The following FCHO1 variants were observed in gnomAD, a reference collection of about 807,000 sequenced individuals.
FCHO1 encodes the protein F-BAR domain only protein 1.
FCHO1 carries 45 observed loss-of-function variants against 114.4 expected under a neutral mutation model. The ratio of observed to expected loss-of-function variants is 0.39; its 90% confidence interval spans 0.31 to 0.50. The LOEUF is 0.50. Among genes scored for constraint, FCHO1 ranks in the 20% least tolerant of loss-of-function variants. The pLI is 0.77. For missense variants in FCHO1, 1,042 were observed against 1,209.6 expected (o/e 0.86, Z 2.06); for synonymous variants, 480 against 488.9 (o/e 0.98, Z 0.24).
chr19:17,786,659 TG>T, intron 27 of FCHO1, 30 bp downstream of exon 27: 6 of 243,704 alleles, frequency 2.5e-5, no homozygotes, highest in Non-Finnish European at 3.4e-5. Context: ...GAGGGCTGGG[TG>T]GGAGGGACTG....
At chr19:17,766,622 G>A in intron 6 of FCHO1, 47 bp from the exon 7 acceptor site, 5 of 1,611,200 alleles carry the variant, frequency 3.1e-6, no homozygotes, top group East Asian at 2.2e-5. Context: ...CTGTCCCGGG[G>A]TGGGGTGAGC....
rs1019956825 is a variant in FCHO1 at position 17,784,382 on chromosome 19, G to A, written c.2226+147G>A. The A allele has an allele frequency of 1.6e-5, 17 of 1,032,482 alleles. No homozygotes were observed. In the African/African-American group the frequency reaches 2.7e-4, roughly 16 times the overall value. 64.0% of individuals were successfully genotyped at this position (1,032,482 alleles called of 1,614,324 possible). A position where few individuals can be genotyped will look rare whatever the true frequency, so the allele number is the denominator to read the frequency against. On this transcript the variant is annotated intron_variant, in intron 25 of 28. Transcript: ENST00000596536. The surrounding 1 kb of genome is among the most constrained non-coding windows in gnomAD (Gnocchi z 5.3). ...CCAATCTGTGAGAGCCGATGAGCTG[G>A]AGGGAGTAGGCAGTGTGGGTCGGGA...
chr19:17,788,308 C>T lies in FCHO1; in HGVS notation c.*2C>T, dbSNP rs2094105250. 3.0e-6 allele frequency: 4 copies of T among 1,339,444 alleles called. No homozygotes were observed. The highest frequency in any genetic ancestry group is 3.9e-6 in the Non-Finnish European group (4 of 1,014,888). The allele number at this position is 1,339,444 out of a possible 1,614,324, so 83.0% of individuals were successfully genotyped here. A position where few individuals can be genotyped will look rare whatever the true frequency, so the allele number is the denominator to read the frequency against. ...GGGATGTACCTGGTGAGCTGCTGAA[C>T]CCGCAAATGCTGCTGCCCCAGCTCT... On this transcript the variant is annotated 3_prime_UTR_variant, in exon 29 of 29. Coordinates refer to ENST00000596536, the MANE Select transcript of FCHO1 (RefSeq NM_015122.3).
At chr19:17,762,117 C>G (rs1056227746) in intron 4 of FCHO1, among the ~76,000 whole-genome samples, 7 of 151,810 alleles carry the variant, frequency 4.6e-5, no homozygotes, top group Non-Finnish European at 8.8e-5. Context: ...TCCCAAGTAG[C>G]TGGGATTACA....
chr19:17,781,009 A>G (rs758296002), intron 20 of FCHO1, among the ~76,000 whole-genome samples: 2 of 152,066 alleles, frequency 1.3e-5, no homozygotes, highest in Middle Eastern at 3.2e-3. Flanking sequence ...TGGGGAGCTC[A>G]CCCCTTATTG....
At chr19:17,747,755 C>G (rs12983897), upstream of FCHO1, 78,844 of 151,860 alleles carry the variant, frequency 0.52, 21,863 homozygotes, top group African/African-American at 0.68. Context: ...GGGCGGGCTC[C>G]GGTGTCAGCG....
chr19:17,784,178 C>T lies in FCHO1; in HGVS notation c.2169C>T (p.Arg723=). ...CAGCTCTGACCGAAGCCCTGCAGCG[C>T]CAGGCAGAGCAGAACCCCACTGCCT... ...NMAALTEALQ[R]QAEQNPTASY... Residue 723 remains arginine, a synonymous_variant, in exon 25 of 29, where the codon CGC becomes CGT. Transcript: ENST00000596536. The surrounding 1 kb of genome is among the most constrained non-coding windows in gnomAD (Gnocchi z 5.3). 6.2e-7 allele frequency: 1 copy of T among 1,614,002 alleles called. No homozygotes were observed.
chr19:17,778,656 T>C lies in FCHO1; in HGVS notation c.1399T>C (p.Ser467Pro). 6.3e-7 allele frequency: 1 copy of C among 1,576,044 alleles called. No individual in the cohort carries two copies. The highest frequency in any genetic ancestry group is 1.4e-5 in the African/African-American group (1 of 73,936). The part of the protein sequence containing the change: ...FTSSPSPFSS[S>P]SPENVEDSGL... ...CTCCAGCCCCTCCCCTTTCTCCTCC[T>C]CGTCGCCCGAAAACGTGGAGGATTC... Residue 467 changes from serine (S) to proline (P), a missense_variant, in exon 20 of 29, where the codon TCG (serine) becomes CCG (proline). By Grantham distance (74) the Ser-to-Pro change is moderately conservative. Transcript: ENST00000596536.
intron 22 of FCHO1, 36 bp from the exon 23 acceptor site, chr19:17,781,676 A>G (rs1408062352): frequency 6.4e-7 from 1 of 1,557,928 alleles, no homozygotes; most frequent in Non-Finnish European, 8.8e-7. Context: ...CACACTGTCT[A>G]TCCGTTGTTC....
chr19:17,784,609 CT>C lies in FCHO1; in HGVS notation c.2227-115del, dbSNP rs991868946. The C allele has an allele frequency of 3.1e-6, 3 of 976,798 alleles. No individual in the cohort carries two copies. The African/African-American group carries it at 4.8e-5, about 15-fold the overall frequency. 60.5% of individuals were successfully genotyped at this position (976,798 alleles called of 1,614,324 possible). A position where few individuals can be genotyped will look rare whatever the true frequency, so the allele number is the denominator to read the frequency against. Reference sequence around the variant, plus strand: ...TCTCATCCATCAAATCTCCCTGTGACTGGACCCCCTTGGGGCGGTGCGTGCA... The same window carrying C: ...TCTCATCCATCAAATCTCCCTGTGACGGACCCCCTTGGGGCGGTGCGTGCA... On this transcript the variant is annotated intron_variant, in intron 25 of 28. Coordinates refer to ENST00000596536, the MANE Select transcript of FCHO1 (RefSeq NM_015122.3). This position sits in a 1 kb window ranked among gnomAD's most constrained non-coding sequence, Gnocchi z 5.3.
At chr19:17,760,047 CTT>C (rs66667915) in intron 4 of FCHO1, among the ~76,000 whole-genome samples, 121,019 of 141,210 alleles carry the variant, frequency 0.86, 52,224 homozygotes, top group Middle Eastern at 0.95. Flanking sequence ...GTTTTGCCAT[CTT>C]TTTTTTTTTT....
chr19:17,788,503 C>T lies in FCHO1; in HGVS notation c.*197C>T. 1.8e-6 allele frequency: 1 copy of T among 553,038 alleles called. No individual in the cohort carries two copies. Among genetic ancestry groups the T allele is most frequent in the Non-Finnish European group, 3.2e-6 (1 of 307,840 alleles). 34.3% of individuals were successfully genotyped at this position (553,038 alleles called of 1,614,324 possible). ...CATGCCAACCCCACACAGGTCCCGG[C>T]CTTTTAATGTTCTTTGAATAAACAC... On this transcript the variant is annotated 3_prime_UTR_variant, in exon 29 of 29. Transcript: ENST00000596536.
intron 27 of FCHO1, 91 bp downstream of exon 27, chr19:17,786,720 C>T (rs1422190183): frequency 7.1e-7 from 1 of 1,415,862 alleles, no homozygotes; most frequent in African/African-American, 1.4e-5. Flanking sequence ...TGGGGACATA[C>T]TGAGGGCGGG....
chr19:17,774,666 C>T, intron 13 of FCHO1, 188 bp downstream of exon 13: 1 of 599,662 alleles, frequency 1.7e-6, no homozygotes, highest in East Asian at 2.8e-5. Flanking sequence ...TTACCGCTGC[C>T]CAAGCTAGTC....
chr19:17,772,194 ATG>A (rs2091782000), intron 9 of FCHO1, among the ~76,000 whole-genome samples: 1 of 151,618 alleles, frequency 6.6e-6, no homozygotes, highest in African/African-American at 2.4e-5. Flanking sequence ...GTGTGTGTGC[ATG>A]TGTGTGCAAG....
chr19:17,765,672 C>CA (rs1228755680), intron 6 of FCHO1, among the ~76,000 whole-genome samples: 57 of 146,696 alleles, frequency 3.9e-4, no homozygotes, highest in African/African-American at 6.8e-4. Context: ...GACCATGCCT[C>CA]AAAAAAAAAC....
chr19:17,784,314 G>A lies in FCHO1; in HGVS notation c.2226+79G>A. The A allele has an allele frequency of 6.6e-7, 1 of 1,509,508 alleles. No homozygotes were observed. Among genetic ancestry groups the A allele is most frequent in the Non-Finnish European group, 8.9e-7 (1 of 1,119,996 alleles). The allele number at this position is 1,509,508 out of a possible 1,614,324, so 93.5% of individuals were successfully genotyped here. ...GCCGGCAGCAGACATGGAGGCGCCT[G>A]CGTGTTGGCCAGGCTGGTCTCGAAT... On this transcript the variant is annotated intron_variant, in intron 25 of 28. Transcript: ENST00000596536. The surrounding 1 kb of genome is among the most constrained non-coding windows in gnomAD (Gnocchi z 5.3).
chr19:17,767,090 C>A (rs2089535635), intron 7 of FCHO1, among the ~76,000 whole-genome samples: 1 of 104,832 alleles, frequency 9.5e-6, no homozygotes, highest in African/African-American at 3.5e-5. Context: ...TTTTTTTCTG[C>A]TTGTTTGTTT....
intron 6 of FCHO1, among the ~76,000 whole-genome samples, chr19:17,766,378 C>T (rs1291992950): frequency 2.0e-5 from 3 of 151,564 alleles, no homozygotes; most frequent in East Asian, 1.9e-4. Flanking sequence ...CCTCAAGTGA[C>T]CTGCTCGACT....
Sources: gnomAD v4.1 joint callset for allele counts (sites outside exome capture counted in the v4.1 genomes callset) on GRCh38, gnomAD v4.1.1 for gene constraint, Gnocchi (gnomAD v3.1) non-coding constraint, MANE v1.5 for transcripts, NCBI Gene and HGNC (gene_info 2026-07-23, HGNC 2026-07-21) for gene names.